NELL1: variants seen among roughly 807,000 people sequenced by gnomAD.
NELL1 encodes the protein protein kinase C-binding protein NELL1.
NELL1 carries 76 observed loss-of-function variants against 107.4 expected under a neutral mutation model. The observed-to-expected ratio is 0.71, with a 90% confidence interval of 0.59 to 0.86. The LOEUF is 0.86. Ranked by LOEUF, NELL1 falls within the 40% of genes least tolerant of loss-of-function variation. NELL1 has a pLI of 0.00. For missense variants in NELL1, 1,024 were observed against 1,005.5 expected (o/e 1.02, Z -0.25); for synonymous variants, 353 against 341.2 (o/e 1.03, Z -0.38).
At chr11:20,743,038 G>T (rs1855926360) in intron 2 of NELL1, among the ~76,000 whole-genome samples, 1 of 152,040 alleles carries the variant, frequency 6.6e-6, no homozygotes, top group South Asian at 2.1e-4. Context: ...AAAGCTCAAA[G>T]GGCTTGTAGA....
chr11:20,869,771 T>C (rs1849161616), intron 4 of NELL1, among the ~76,000 whole-genome samples: 1 of 152,216 alleles, frequency 6.6e-6, no homozygotes, highest in Non-Finnish European at 1.5e-5. Flanking sequence ...GTTATCTTTA[T>C]GTGTACTGCT....
chr11:21,288,431 G>A (rs1454043188), intron 14 of NELL1, among the ~76,000 whole-genome samples: 1 of 152,144 alleles, frequency 6.6e-6, no homozygotes, highest in Non-Finnish European at 1.5e-5. Context: ...ATAAAAAATG[G>A]CATCAACAAG....
chr11:21,538,407 A>G (rs1032826343), intron 16 of NELL1, among the ~76,000 whole-genome samples: 1 of 152,156 alleles, frequency 6.6e-6, no homozygotes, highest in African/African-American at 2.4e-5. Flanking sequence ...AGTGTAACAT[A>G]TGATTGAAGA....
intron 2 of NELL1, among the ~76,000 whole-genome samples, chr11:20,767,773 C>T (rs192084371): frequency 5.0e-4 from 76 of 152,318 alleles, no homozygotes; most frequent in Admixed American, 9.8e-4. Flanking sequence ...ATTTATTGCA[C>T]ATCATGTGAC....
chr11:20,755,556 G>GTTTTTTTTTTTTTTTTTTTTTTTTTTT (rs1188989442), intron 2 of NELL1, among the ~76,000 whole-genome samples: 1 of 23,370 alleles, frequency 4.3e-5, no homozygotes, highest in African/African-American at 8.4e-5. Flanking sequence ...TTTTGTTTTT[G>GTTTTTTTTTTTTTTTTTTTTTTTTTTT]TTTTTGTTTT....
chr11:21,472,169 T>TTGTC (rs1348226549), intron 15 of NELL1, among the ~76,000 whole-genome samples: 10 of 152,086 alleles, frequency 6.6e-5, no homozygotes, highest in African/African-American at 2.4e-4. Flanking sequence ...GTTTGTTTGT[T>TTGTC]TGTTTGTTTG....
chr11:21,209,942 C>A (rs962650872), intron 13 of NELL1, among the ~76,000 whole-genome samples: 1 of 152,118 alleles, frequency 6.6e-6, no homozygotes, highest in East Asian at 1.9e-4. Context: ...TGCTTCTATA[C>A]ATATGCTTAT....
intron 15 of NELL1, among the ~76,000 whole-genome samples, chr11:21,471,593 C>T (rs780872836): frequency 1.3e-5 from 2 of 151,250 alleles, no homozygotes; most frequent in Non-Finnish European, 2.9e-5. Context: ...CTGTGATAAG[C>T]ACTTTAAATT....
chr11:21,540,753 T>C (rs569795856), intron 16 of NELL1, among the ~76,000 whole-genome samples: 51 of 152,224 alleles, frequency 3.4e-4, no homozygotes, highest in African/African-American at 1.1e-3. Context: ...ACTCCCATGA[T>C]TGAATCACAT....
At chr11:20,791,371 G>T (rs1240557759) in intron 3 of NELL1, among the ~76,000 whole-genome samples, 4 of 151,578 alleles carry the variant, frequency 2.6e-5, no homozygotes, top group Non-Finnish European at 5.9e-5. Context: ...TCAATTTTTG[G>T]TTGCTCATTG....
intron 10 of NELL1, among the ~76,000 whole-genome samples, chr11:20,938,329 C>T (rs558754104): frequency 1.2e-4 from 19 of 152,168 alleles, no homozygotes; most frequent in African/African-American, 3.9e-4. Flanking sequence ...AATAATCATT[C>T]GACAAAAATG....
intron 16 of NELL1, among the ~76,000 whole-genome samples, chr11:21,551,409 T>C (rs1387986262): frequency 2.0e-5 from 3 of 152,104 alleles, no homozygotes; most frequent in Non-Finnish European, 2.9e-5. Context: ...AAGGCATCCC[T>C]GTCTTGTGCC....
At chr11:20,751,319 C>T (rs1590259582) in intron 2 of NELL1, among the ~76,000 whole-genome samples, 1 of 152,070 alleles carries the variant, frequency 6.6e-6, no homozygotes, top group African/African-American at 2.4e-5. Context: ...TTGGATAATG[C>T]ACATCTTAAA....
chr11:20,743,659 T>G (rs1016344167), intron 2 of NELL1, among the ~76,000 whole-genome samples: 3 of 152,162 alleles, frequency 2.0e-5, no homozygotes, highest in African/African-American at 7.2e-5. Context: ...CCCTGTAACC[T>G]TTGCTGGCTT....
chr11:21,095,956 A>G (rs576699810), intron 12 of NELL1, among the ~76,000 whole-genome samples: 1 of 152,300 alleles, frequency 6.6e-6, no homozygotes, highest in South Asian at 2.1e-4. Flanking sequence ...GAGCTCGTGT[A>G]GGGGAACTCC....
In NELL1 at chr11:21,016,042, C is replaced by G. The variant is rs577546568; in HGVS notation, c.1300+55482C>G. On this transcript the variant is annotated intron_variant, in intron 12 of 19. Coordinates refer to ENST00000357134, the MANE Select transcript of NELL1 (RefSeq NM_006157.5). ...ATTGGCAGAAAGTGAGCTTGTGGGTCCTGCAATGAGAAGCGACTGCCATTG... is the reference window on the plus strand; with the variant it reads ...ATTGGCAGAAAGTGAGCTTGTGGGTGCTGCAATGAGAAGCGACTGCCATTG... Among the ~76,000 whole-genome samples the G allele has an allele frequency of 2.6e-5, 4 of 151,996 alleles. No individual in the cohort carries two copies. In the South Asian group the frequency reaches 8.3e-4, roughly 32 times the overall value.
intron 12 of NELL1, among the ~76,000 whole-genome samples, chr11:21,081,666 T>G (rs971224007): frequency 6.6e-6 from 1 of 152,154 alleles, no homozygotes; most frequent in African/African-American, 2.4e-5. Flanking sequence ...GGAAAATGTG[T>G]CTCAAATTCA....
At chr11:21,442,942 C>CTTTTTTTTTTTTT (rs66501874) in intron 15 of NELL1, among the ~76,000 whole-genome samples, 13 of 57,564 alleles carry the variant, frequency 2.3e-4, no homozygotes, top group Admixed American at 4.9e-4. Flanking sequence ...GCTATCTTTC[C>CTTTTTTTTTTTTT]TTTTTTTTTT....
intron 13 of NELL1, among the ~76,000 whole-genome samples, chr11:21,139,417 A>C (rs925669577): frequency 1.4e-4 from 21 of 152,066 alleles, no homozygotes; most frequent in African/African-American, 5.1e-4. Flanking sequence ...ATTTCAGTGG[A>C]GCTTCCCTGG....
Sources: gnomAD v4.1 joint callset for allele counts (sites outside exome capture counted in the v4.1 genomes callset) on GRCh38, gnomAD v4.1.1 for gene constraint, MANE v1.5 for transcripts, NCBI Gene and HGNC (gene_info 2026-07-23, HGNC 2026-07-21) for gene names.